Variants in CSMD1 observed in about 807,000 individuals in gnomAD.
The protein encoded by CSMD1 is CUB and Sushi multiple domains 1.
A neutral mutation model predicts 417.5 loss-of-function variants in CSMD1; 213 were observed. The ratio of observed to expected loss-of-function variants is 0.51; its 90% confidence interval spans 0.46 to 0.57. The LOEUF (loss-of-function observed/expected upper bound fraction) is 0.57, where lower values mean the gene tolerates loss of function less well. Among genes scored for constraint, CSMD1 ranks in the 20% least tolerant of loss-of-function variants. The probability of loss-of-function intolerance (pLI) is 0.00; values close to 1 mark genes in which losing one functional copy is unlikely to be tolerated. For missense variants in CSMD1, 6,923 were observed against 4,529.7 expected, an observed-to-expected ratio of 1.53 and a Z score of -15.17; for synonymous variants, 2,862 against 1,736.8, an observed-to-expected ratio of 1.65 and a Z score of -16.11.
chr8:3,100,478 C>A (rs79459530), intron 46 of CSMD1, among the ~76,000 whole-genome samples: 2,301 of 152,266 alleles, frequency 0.015, 28 homozygotes, highest in East Asian at 0.041. Context: ...TGAAAGGGAC[C>A]GCAGTGCGGT....
intron 26 of CSMD1, among the ~76,000 whole-genome samples, chr8:3,263,876 T>C (rs553155463): frequency 5.1e-4 from 78 of 152,358 alleles, no homozygotes; most frequent in African/African-American, 1.8e-3. Flanking sequence ...CTTTGATGTG[T>C]AAAAATAGTA....
In CSMD1 at chr8:3,199,695, CAT is replaced by C. The variant is rs761470766; in HGVS notation, c.5194+17_5194+18del. The C allele has an allele frequency of 9.1e-6, 14 of 1,538,272 alleles. No homozygotes were observed. In the South Asian group the frequency reaches 1.5e-4, roughly 17 times the overall value. ...GAAAGACCACAGTGACATGTGGAGA[CAT>C]GTGGAGTGACGCTTACCTTGATACA... is the stretch of plus-strand genomic sequence containing the variant. On this transcript the variant is annotated intron_variant, in intron 33 of 69. Coordinates refer to ENST00000635120, the MANE Select transcript of CSMD1 (RefSeq NM_033225.6).
intron 3 of CSMD1, among the ~76,000 whole-genome samples, chr8:4,081,844 A>G (rs962168920): frequency 1.3e-5 from 2 of 152,166 alleles, no homozygotes; most frequent in African/African-American, 4.8e-5. Flanking sequence ...AAAAGTTGAA[A>G]CCAAATAATT....
chr8:3,370,743 G>C lies in CSMD1; in HGVS notation c.2783-1373C>G, dbSNP rs536375100. 2.7e-4 allele frequency among the ~76,000 whole-genome samples: 41 copies of C among 152,320 alleles called. No individual in the cohort carries two copies. In the East Asian group the frequency reaches 7.3e-3, roughly 27 times the overall value. On this transcript the variant is annotated intron_variant, in intron 18 of 69. Transcript: ENST00000635120. Reference sequence around the variant, plus strand: ...TAATCCCAGCACTTTGGGAGGCTGAGGCAGGTGGATCACCTGAGGTCAGGA... The same window carrying C: ...TAATCCCAGCACTTTGGGAGGCTGACGCAGGTGGATCACCTGAGGTCAGGA...
chr8:3,034,218 A>C (rs1810521145), intron 50 of CSMD1, among the ~76,000 whole-genome samples: 1 of 152,230 alleles, frequency 6.6e-6, no homozygotes, highest in Non-Finnish European at 1.5e-5. Flanking sequence ...ATGAAGAAAA[A>C]GATTTGATGT....
At chr8:4,749,862 A>G (rs900037225) in intron 1 of CSMD1, among the ~76,000 whole-genome samples, 2 of 152,130 alleles carry the variant, frequency 1.3e-5, no homozygotes, top group Non-Finnish European at 2.9e-5. Flanking sequence ...GATTTACGGC[A>G]AAAAGAGAAA....
intron 41 of CSMD1, among the ~76,000 whole-genome samples, chr8:3,138,544 A>G (rs1818243291): frequency 6.6e-6 from 1 of 152,236 alleles, no homozygotes; most frequent in African/African-American, 2.4e-5. Context: ...AGCACATCAG[A>G]ATTCAAGCTT....
At chr8:3,479,852 T>A (rs958204730) in intron 11 of CSMD1, among the ~76,000 whole-genome samples, 1 of 151,312 alleles carries the variant, frequency 6.6e-6, no homozygotes. Flanking sequence ...ACAAATTATC[T>A]GCAAACAGAT....
At chr8:3,526,169 C>A (rs1797745511) in intron 10 of CSMD1, among the ~76,000 whole-genome samples, 1 of 152,124 alleles carries the variant, frequency 6.6e-6, no homozygotes, top group Non-Finnish European at 1.5e-5. Flanking sequence ...AGAAATGTGG[C>A]ATATATCATA....
chr8:3,316,470 T>A (rs983232613), intron 23 of CSMD1, among the ~76,000 whole-genome samples: 18 of 151,942 alleles, frequency 1.2e-4, no homozygotes, highest in African/African-American at 4.1e-4. Context: ...ATGGTTTGCG[T>A]GAAGGTTGAG....
chr8:3,158,662 G>A (rs985952415), intron 38 of CSMD1, among the ~76,000 whole-genome samples: 26 of 151,872 alleles, frequency 1.7e-4, no homozygotes, highest in African/African-American at 6.0e-4. Context: ...AACAGTAGAG[G>A]GTTAAATTCA....
chr8:4,620,095 T>A (rs1801686553), intron 2 of CSMD1, among the ~76,000 whole-genome samples: 1 of 151,932 alleles, frequency 6.6e-6, no homozygotes, highest in African/African-American at 2.4e-5. Context: ...AATACTCACA[T>A]TAATTAATTA....
chr8:3,017,145 T>A (rs1212538769), intron 52 of CSMD1, among the ~76,000 whole-genome samples: 2 of 152,200 alleles, frequency 1.3e-5, no homozygotes, highest in African/African-American at 2.4e-5. Flanking sequence ...ATTTTCATGT[T>A]TACAATTACT....
At chr8:4,669,171 T>C (rs1354260766) in intron 1 of CSMD1, among the ~76,000 whole-genome samples, 1 of 152,234 alleles carries the variant, frequency 6.6e-6, no homozygotes, top group Non-Finnish European at 1.5e-5. Flanking sequence ...AGGGCTGGGA[T>C]GTGAATACTT....
chr8:2,998,344 A>G (rs1807097674), intron 53 of CSMD1, among the ~76,000 whole-genome samples, 160 bp from the exon 54 acceptor site: 1 of 152,258 alleles, frequency 6.6e-6, no homozygotes, highest in African/African-American at 2.4e-5. Context: ...AGAAGGGAAT[A>G]TTGGGAGCTA....
At chr8:4,211,593 A>G (rs1254317681) in intron 3 of CSMD1, among the ~76,000 whole-genome samples, 1 of 152,234 alleles carries the variant, frequency 6.6e-6, no homozygotes, top group Non-Finnish European at 1.5e-5. Context: ...TGAAACGGCA[A>G]AAGTCATCTC....
chr8:2,954,710 A>T (rs945229796), intron 64 of CSMD1, among the ~76,000 whole-genome samples: 1 of 152,246 alleles, frequency 6.6e-6, no homozygotes, highest in Admixed American at 6.5e-5. Flanking sequence ...AATTATTTCC[A>T]TTGCAGAATG....
chr8:3,518,484 T>C (rs967305653), intron 10 of CSMD1, among the ~76,000 whole-genome samples: 7 of 152,176 alleles, frequency 4.6e-5, no homozygotes, highest in Admixed American at 6.6e-5. Context: ...TAAAATCTCA[T>C]TGGTAGACTC....
chr8:3,150,094 T>C (rs1819099527), intron 40 of CSMD1, among the ~76,000 whole-genome samples: 3 of 152,314 alleles, frequency 2.0e-5, no homozygotes, highest in African/African-American at 7.2e-5. Flanking sequence ...GGAAGCAACG[T>C]TGCTGAAGGT....
Sources: allele counts gnomAD v4.1 joint callset (sites outside exome capture counted in the v4.1 genomes callset), GRCh38; gene constraint gnomAD v4.1.1; transcripts MANE v1.5; gene names NCBI Gene and HGNC (gene_info 2026-07-23, HGNC 2026-07-21).